ST7: variants seen among roughly 807,000 people sequenced by gnomAD.
ST7 encodes suppression of tumorigenicity 7.
ST7 carries 28 observed loss-of-function variants against 78.7 expected under a neutral mutation model. The observed-to-expected ratio is 0.36, with a 90% CI of 0.26 to 0.49. The LOEUF (loss-of-function observed/expected upper bound fraction) is 0.49, where lower values mean the gene tolerates loss of function less well. Ranked by LOEUF, ST7 falls within the 20% of genes least tolerant of loss-of-function variation. The pLI, the probability that ST7 is intolerant of heterozygous loss-of-function variation, is 0.99. For missense variants in ST7, 418 were observed against 696.0 expected (o/e 0.60, Z 4.49); for synonymous variants, 247 against 249.6 (o/e 0.99, Z 0.10).
chr7:117,089,607 T>C (rs970402445), intron 1 of ST7, among the ~76,000 whole-genome samples: 1 of 151,132 alleles, frequency 6.6e-6, no homozygotes, highest in Non-Finnish European at 1.5e-5. Flanking sequence ...AATCTCGCTC[T>C]GTCGCCCAGG....
intron 5 of ST7, 87 bp from the exon 6 acceptor site, chr7:117,131,798 A>T: frequency 1.7e-6 from 2 of 1,172,148 alleles, no homozygotes; most frequent in Non-Finnish European, 2.5e-6. Flanking sequence ...ATTTAAGCTG[A>T]CACTCCTAAT....
At chr7:117,195,247 A>T (rs1810200085) in intron 12 of ST7, among the ~76,000 whole-genome samples, 1 of 152,102 alleles carries the variant, frequency 6.6e-6, no homozygotes, top group South Asian at 2.1e-4. Flanking sequence ...AGATTTTCAG[A>T]GTTCTTTAAC....
At chr7:117,066,792 G>A (rs1286946562) in intron 1 of ST7, among the ~76,000 whole-genome samples, 1 of 150,174 alleles carries the variant, frequency 6.7e-6, no homozygotes, top group Admixed American at 6.6e-5. Flanking sequence ...AAAAAAGTGG[G>A]ATTCAGTGGT....
intron 10 of ST7, among the ~76,000 whole-genome samples, chr7:117,183,695 C>G (rs1554445667): frequency 1.3e-5 from 2 of 152,190 alleles, no homozygotes; most frequent in Non-Finnish European, 2.9e-5. Context: ...GGAACACTGT[C>G]TAACAGTTTC....
chr7:116,972,694 G>T (rs931221737), intron 1 of ST7: 3 of 972,324 alleles, frequency 3.1e-6, no homozygotes, highest in Admixed American at 3.4e-5. Context: ...CTTTTGCAGG[G>T]CAGTGGCTGG....
chr7:117,062,281 A>T (rs1798400353), intron 1 of ST7, among the ~76,000 whole-genome samples: 1 of 152,238 alleles, frequency 6.6e-6, no homozygotes, highest in African/African-American at 2.4e-5. Flanking sequence ...TAGGGGCTAC[A>T]GCTTCAACGT....
intron 9 of ST7, among the ~76,000 whole-genome samples, chr7:117,148,622 A>C (rs905326120): frequency 2.6e-5 from 4 of 152,112 alleles, no homozygotes; most frequent in African/African-American, 9.7e-5. Context: ...TTTCTGTTTT[A>C]TTCTTCTGAT....
chr7:117,215,148 G>A (rs1024743213), intron 13 of ST7, among the ~76,000 whole-genome samples: 2 of 152,070 alleles, frequency 1.3e-5, no homozygotes, highest in South Asian at 4.2e-4. Flanking sequence ...CCAACTAAGG[G>A]AAAGTGTTTT....
intron 1 of ST7, chr7:116,954,372 G>A (rs1191096140): frequency 1.3e-5 from 2 of 152,502 alleles, no homozygotes; most frequent in African/African-American, 4.8e-5. Flanking sequence ...ATTGTCGAAG[G>A]GACCGGAGGG....
At chr7:117,000,218 C>T (rs926483863) in intron 1 of ST7, among the ~76,000 whole-genome samples, 3 of 152,190 alleles carry the variant, frequency 2.0e-5, no homozygotes, top group Admixed American at 6.5e-5. Context: ...TTGCTGCAAA[C>T]TACCCTCAAA....
At chr7:117,200,795 T>C (rs1810756390) in intron 12 of ST7, among the ~76,000 whole-genome samples, 2 of 145,358 alleles carry the variant, frequency 1.4e-5, no homozygotes, top group South Asian at 4.4e-4. Flanking sequence ...ATGACAGAAA[T>C]GCATTCCCAT....
chr7:117,186,631 A>G (rs1021516694), intron 10 of ST7, among the ~76,000 whole-genome samples: 2 of 152,242 alleles, frequency 1.3e-5, no homozygotes, highest in African/African-American at 4.8e-5. Flanking sequence ...GGAGTCTACA[A>G]TATTTGGTGC....
intron 9 of ST7, among the ~76,000 whole-genome samples, chr7:117,162,872 C>T (rs1807264552): frequency 6.6e-6 from 1 of 152,040 alleles, no homozygotes; most frequent in African/African-American, 2.4e-5. Context: ...GAAGTTATTC[C>T]TTCTGTTGAG....
At position 117,141,150 on chromosome 7, in the gene ST7, G is replaced by T. The variant is rs544038381; in HGVS notation, c.963+2618G>T. 1.1e-3 allele frequency among the ~76,000 whole-genome samples: 160 copies of T among 152,284 alleles called. 1 individual carries two copies. The highest frequency in any genetic ancestry group is 3.7e-3 in the African/African-American group (155 of 41,554). On this transcript the variant is annotated intron_variant, in intron 9 of 15. Transcript: ENST00000323984. ...AGATTCCAGACAGCCTGCTGATAGA[G>T]GCTTAGGCAGGATGATCTAATTTCT...
chr7:117,204,986 T>G (rs1214991644), intron 12 of ST7, among the ~76,000 whole-genome samples: 1 of 152,212 alleles, frequency 6.6e-6, no homozygotes, highest in African/African-American at 2.4e-5. Flanking sequence ...GAGGATCGCT[T>G]GAGCCCAGGA....
chr7:117,178,531 T>C (rs1351483152), intron 10 of ST7, among the ~76,000 whole-genome samples: 1 of 152,210 alleles, frequency 6.6e-6, no homozygotes, highest in African/African-American at 2.4e-5. Flanking sequence ...AAGATCCCAC[T>C]ACGACACAGT....
rs1171743827 is a variant in ST7, at chr7:117,097,904, A to ATTTTT, written c.152-1857_152-1856insTTTTT. On this transcript the variant is annotated intron_variant, in intron 1 of 15. Transcript: ENST00000323984. Reference sequence around the variant, plus strand: ...ACTATATATATATATATATATATATATATATTTTTTTTTTTTTTTTTTTTG... The same window carrying ATTTTT: ...ACTATATATATATATATATATATATATTTTTTATATTTTTTTTTTTTTTTTTTTTG... Among the ~76,000 whole-genome samples, 15 of 33,696 alleles carry ATTTTT rather than the reference A, an allele frequency of 4.5e-4. 1 individual carries two copies. The highest frequency in any genetic ancestry group is 7.8e-4 in the Non-Finnish European group (13 of 16,700). 22.1% of individuals were successfully genotyped at this position (33,696 alleles called of 152,430 possible). A position where few individuals can be genotyped will look rare whatever the true frequency, so the allele number is the denominator to read the frequency against.
chr7:117,143,235 G>C (rs1305932517), intron 9 of ST7, among the ~76,000 whole-genome samples: 2 of 151,986 alleles, frequency 1.3e-5, no homozygotes, highest in African/African-American at 2.4e-5. Flanking sequence ...ACCTTTCCCC[G>C]GTCTTTTTGC....
chr7:116,988,433 G>A (rs571446246), intron 1 of ST7, among the ~76,000 whole-genome samples: 5 of 152,106 alleles, frequency 3.3e-5, no homozygotes, highest in Non-Finnish European at 7.4e-5. Flanking sequence ...GCAGTCTGCT[G>A]CATTTAGTTT....
Sources: allele counts gnomAD v4.1 joint callset (sites outside exome capture counted in the v4.1 genomes callset), GRCh38; gene constraint gnomAD v4.1.1; transcripts MANE v1.5; gene names NCBI Gene and HGNC (gene_info 2026-07-23, HGNC 2026-07-21).